Variants in BRWD1 observed in about 807,000 individuals in gnomAD.
The protein encoded by BRWD1 is bromodomain and WD repeat-containing protein 1.
A neutral mutation model predicts 251.2 loss-of-function variants in BRWD1; 82 were observed. That is an observed-to-expected ratio of 0.33 (90% CI 0.27 to 0.39). The LOEUF (loss-of-function observed/expected upper bound fraction) is 0.39. BRWD1 is among the 10% of genes least tolerant of loss of function. The pLI is 1.00. For synonymous variants in BRWD1, 918 were observed against 902.8 expected (o/e 1.02, Z -0.30); for missense variants, 2,233 against 2,711.6 (o/e 0.82, Z 3.92).
chr21:39,290,730 C>T (rs1292571458), intron 8 of BRWD1, among the ~76,000 whole-genome samples: 1 of 152,118 alleles, frequency 6.6e-6, no homozygotes, highest in East Asian at 1.9e-4. Flanking sequence ...ACTGTGAAAC[C>T]TAGCAAGAAT....
chr21:39,309,266 T>C (rs2036388925), intron 4 of BRWD1, among the ~76,000 whole-genome samples: 3 of 145,142 alleles, frequency 2.1e-5, no homozygotes, highest in African/African-American at 7.8e-5. Flanking sequence ...CTGGACAACA[T>C]AGCGAGTCTT....
At chr21:39,218,716 A>G (rs2033053494) in intron 29 of BRWD1, 56 bp from the exon 30 acceptor site, 3 of 1,374,190 alleles carry the variant, frequency 2.2e-6, no homozygotes, top group Non-Finnish European at 2.9e-6. Context: ...AAATAAATAT[A>G]TACGGTATTA....
At position 39,195,535 on chromosome 21, in the gene BRWD1, G is replaced by A; in HGVS notation, c.*724C>T. The A allele has an allele frequency of 1.0e-6, 1 of 984,146 alleles. No individual in the cohort carries two copies. Among genetic ancestry groups the A allele is most frequent in the Non-Finnish European group, 1.2e-6 (1 of 828,448 alleles). The allele number at this position is 984,146 out of a possible 1,614,324, so 61.0% of individuals were successfully genotyped here. ...ATTTAAAAGAAAATGCTCTGACTAT[G>A]CTCTGGTCCTAGAGGTTTAAAACAT... is the stretch of plus-strand genomic sequence containing the variant. On this transcript the variant is annotated 3_prime_UTR_variant, in exon 41 of 41. Transcript: ENST00000342449.
intron 1 of BRWD1, among the ~76,000 whole-genome samples, chr21:39,319,453 C>T (rs1394525325): frequency 6.6e-6 from 1 of 152,182 alleles, no homozygotes; most frequent in Non-Finnish European, 1.5e-5. Context: ...TGGACAAGAC[C>T]TTGGGAACAT....
At chr21:39,278,891 A>G in intron 9 of BRWD1, 78 bp from the exon 10 acceptor site, 3 of 1,099,988 alleles carry the variant, frequency 2.7e-6, no homozygotes, top group Non-Finnish European at 1.3e-6. Flanking sequence ...GTTTTAATCT[A>G]GCATATTTAA....
At chr21:39,279,827 T>C (rs1221380744) in intron 9 of BRWD1, among the ~76,000 whole-genome samples, 1 of 152,272 alleles carries the variant, frequency 6.6e-6, no homozygotes, top group East Asian at 1.9e-4. Context: ...AGCACAGGTA[T>C]ACAATACAGG....
At chr21:39,283,451 T>C (rs1052111194) in intron 8 of BRWD1, among the ~76,000 whole-genome samples, 19 of 152,244 alleles carry the variant, frequency 1.2e-4, no homozygotes, top group Admixed American at 3.3e-4. Context: ...CATTTCCTGT[T>C]AAATTCATTC....
intron 9 of BRWD1, among the ~76,000 whole-genome samples, chr21:39,279,666 AAAG>A (rs2035394813): frequency 6.8e-6 from 1 of 146,554 alleles, no homozygotes; most frequent in Admixed American, 6.9e-5. Flanking sequence ...AGAAAAAAAA[AAAG>A]AAAACGAAAA....
intron 31 of BRWD1, chr21:39,216,650 C>A: frequency 2.7e-6 from 1 of 370,098 alleles, no homozygotes. Flanking sequence ...ACAGAATCTA[C>A]TCAGAACAGT....
At chr21:39,250,515 AAAG>A (rs906936393) in intron 20 of BRWD1, among the ~76,000 whole-genome samples, 92 of 152,068 alleles carry the variant, frequency 6.0e-4, no homozygotes, top group African/African-American at 2.1e-3. Flanking sequence ...TAAAAAAAAA[AAAG>A]AAGAACCAAA....
In BRWD1 at chr21:39,196,613, A is replaced by G; in HGVS notation, c.6456T>C (p.Asp2152=). The G allele has an allele frequency of 1.2e-6, 2 of 1,613,640 alleles. No individual in the cohort carries two copies. The change falls in exon 41 of 41, where the codon GAT becomes GAC. Residue 2152 remains aspartate, a synonymous_variant. Coordinates refer to ENST00000342449, the MANE Select transcript of BRWD1 (RefSeq NM_033656.4). ...CCAAATCTGATGATTTGGAACTAGT[A>G]TCAGGTCTAAACTTTGAATTCCCAG... ...ETTGNSKFRP[D]TSSKSSDLGS...
intron 21 of BRWD1, among the ~76,000 whole-genome samples, chr21:39,246,611 T>G (rs1311513254): frequency 6.6e-6 from 1 of 152,124 alleles, no homozygotes; most frequent in Admixed American, 6.5e-5. Context: ...ACAATACAAA[T>G]GTCCATCAAC....
intron 8 of BRWD1, among the ~76,000 whole-genome samples, 165 bp from the exon 9 acceptor site, chr21:39,280,413 T>C (rs2035419232): frequency 6.6e-6 from 1 of 152,142 alleles, no homozygotes; most frequent in South Asian, 2.1e-4. Flanking sequence ...CTCTCCACAT[T>C]CATTTATATG....
In BRWD1 at chr21:39,190,429, T is replaced by TTA; in HGVS notation, c.*5829_*5830insTA. On this transcript the variant is annotated 3_prime_UTR_variant, in exon 41 of 41. Coordinates refer to ENST00000342449, the MANE Select transcript of BRWD1 (RefSeq NM_033656.4). ...GAATGTCTGACTCAAAATGAAAACA[T>TTA]ACTAGCCTCTTTCATAAACTCCTAG... The TTA allele has an allele frequency of 1.0e-6, 1 of 985,334 alleles. No homozygotes were observed. The highest frequency in any genetic ancestry group is 1.2e-6 in the Non-Finnish European group (1 of 829,878). The allele number at this position is 985,334 out of a possible 1,614,324, so 61.0% of individuals were successfully genotyped here. A position where few individuals can be genotyped will look rare whatever the true frequency, so the allele number is the denominator to read the frequency against.
At chr21:39,251,881 G>A (rs1298913740) in intron 19 of BRWD1, among the ~76,000 whole-genome samples, 3 of 152,100 alleles carry the variant, frequency 2.0e-5, no homozygotes, top group Non-Finnish European at 2.9e-5. Flanking sequence ...ACTTGACATA[G>A]GTATCATTTT....
intron 36 of BRWD1, among the ~76,000 whole-genome samples, chr21:39,206,864 C>T (rs949676761): frequency 1.3e-5 from 2 of 152,210 alleles, no homozygotes; most frequent in African/African-American, 4.8e-5. Context: ...CTTTTGGATA[C>T]AGCTATGTAT....
intron 11 of BRWD1, 90 bp from the exon 12 acceptor site, chr21:39,276,303 T>C (rs1030237580): frequency 1.6e-5 from 19 of 1,208,424 alleles, no homozygotes; most frequent in Non-Finnish European, 1.9e-5. Context: ...GAAGCCTATT[T>C]GCTTTAACAA....
chr21:39,271,831 G>C (rs946600233), intron 13 of BRWD1, among the ~76,000 whole-genome samples: 1 of 151,908 alleles, frequency 6.6e-6, no homozygotes, highest in Admixed American at 6.6e-5. Context: ...TTGAGGTCAG[G>C]AGTTCCAGAC....
chr21:39,223,667 A>G (rs1412410744), intron 29 of BRWD1, among the ~76,000 whole-genome samples: 1 of 152,212 alleles, frequency 6.6e-6, no homozygotes, highest in Non-Finnish European at 1.5e-5. Context: ...GTGGGATGCT[A>G]GCACTGGAGG....
Sources: gnomAD v4.1 joint callset for allele counts (sites outside exome capture counted in the v4.1 genomes callset) on GRCh38, gnomAD v4.1.1 for gene constraint, MANE v1.5 for transcripts, NCBI Gene and HGNC (gene_info 2026-07-23, HGNC 2026-07-21) for gene names.